The following SAMMSON variants were observed in gnomAD, a reference collection of about 807,000 sequenced individuals.
The protein encoded by SAMMSON is survival associated mitochondrial melanoma specific oncogenic non-coding RNA.
chr3:70,394,931 A>C (rs1701078924), intron 2 of SAMMSON, among the ~76,000 whole-genome samples: 1 of 152,226 alleles, frequency 6.6e-6, no homozygotes. Context: ...GTTCATAATT[A>C]GTTTTTGTCC....
intron 9 of SAMMSON, among the ~76,000 whole-genome samples, chr3:70,365,498 A>G (rs1205960312): frequency 6.6e-6 from 1 of 151,788 alleles, no homozygotes; most frequent in African/African-American, 2.4e-5. Flanking sequence ...GACCACATGT[A>G]TTATCAGAGC....
downstream of SAMMSON, among the ~76,000 whole-genome samples, chr3:70,394,569 G>A (rs951058381): frequency 6.6e-6 from 1 of 152,140 alleles, no homozygotes; most frequent in Non-Finnish European, 1.5e-5. Context: ...CTGAGCTGCA[G>A]TTTGGGAATA....
intron 7 of SAMMSON, among the ~76,000 whole-genome samples, chr3:70,331,948 C>T (rs1702624541): frequency 6.6e-6 from 1 of 152,174 alleles, no homozygotes; most frequent in Admixed American, 6.5e-5. Context: ...AATTAAATTA[C>T]TATGTCACTA....
chr3:70,028,383 T>C (rs1358433063), intron 3 of SAMMSON, among the ~76,000 whole-genome samples: 1 of 152,108 alleles, frequency 6.6e-6, no homozygotes, highest in Non-Finnish European at 1.5e-5. Context: ...GTCTTTACTT[T>C]AGGCAGGAGA....
rs138804424 is a variant in SAMMSON at position 70,200,347 on chromosome 3, C to A, written n.508-48760C>A. Reference sequence around the variant, plus strand: ...CCTTGCCTTAGCCTACAAGCCCTTGCATGATTGGATTCCTGCCTATTTCTC... The same window carrying A: ...CCTTGCCTTAGCCTACAAGCCCTTGAATGATTGGATTCCTGCCTATTTCTC... On this transcript the variant is annotated intron_variant and non_coding_transcript_variant, in intron 4 of 9. Coordinates refer to ENST00000642114, the Ensembl canonical transcript of SAMMSON. Among the ~76,000 whole-genome samples the A allele has an allele frequency of 2.1e-3, 324 of 152,294 alleles. 1 individual carries two copies. The highest frequency in any genetic ancestry group is 6.7e-3 in the African/African-American group (278 of 41,560).
chr3:70,402,706 A>G (rs1701149612), intron 2 of SAMMSON, among the ~76,000 whole-genome samples: 1 of 152,070 alleles, frequency 6.6e-6, no homozygotes, highest in Non-Finnish European at 1.5e-5. Context: ...TACTAAAAAT[A>G]CAAAAATTAG....
chr3:70,265,037 A>G (rs1701903275), intron 6 of SAMMSON, among the ~76,000 whole-genome samples: 1 of 152,186 alleles, frequency 6.6e-6, no homozygotes, highest in South Asian at 2.1e-4. Context: ...ACCATCAGAT[A>G]TCGTGAGACT....
chr3:70,153,790 G>T (rs1457039500), intron 4 of SAMMSON, among the ~76,000 whole-genome samples: 1 of 151,900 alleles, frequency 6.6e-6, no homozygotes, highest in Non-Finnish European at 1.5e-5. Flanking sequence ...CATCACCAAC[G>T]TTCCTCTCCA....
intron 4 of SAMMSON, among the ~76,000 whole-genome samples, chr3:70,209,723 C>G (rs1024341960): frequency 1.3e-5 from 2 of 152,076 alleles, no homozygotes; most frequent in Non-Finnish European, 2.9e-5. Context: ...GCTTTTATCT[C>G]TCCTTCCTAA....
intron 4 of SAMMSON, among the ~76,000 whole-genome samples, chr3:70,109,045 C>T (rs1390971881): frequency 1.3e-5 from 2 of 152,024 alleles, no homozygotes; most frequent in Non-Finnish European, 2.9e-5. Flanking sequence ...ATTGATGATG[C>T]GTGAACAAGA....
At chr3:70,102,179 C>T (rs1244346572) in intron 4 of SAMMSON, among the ~76,000 whole-genome samples, 2 of 152,134 alleles carry the variant, frequency 1.3e-5, no homozygotes, top group Non-Finnish European at 2.9e-5. Context: ...ATAAGCTCTA[C>T]ACATTTTGTT....
intron 4 of SAMMSON, among the ~76,000 whole-genome samples, chr3:70,244,200 C>A (rs1407591939): frequency 6.6e-6 from 1 of 152,166 alleles, no homozygotes; most frequent in Non-Finnish European, 1.5e-5. Flanking sequence ...CCAATTTTAA[C>A]AAGATGCTTC....
At chr3:70,357,318 C>CA (rs1402911609) in intron 8 of SAMMSON, among the ~76,000 whole-genome samples, 2 of 151,856 alleles carry the variant, frequency 1.3e-5, no homozygotes, top group East Asian at 3.9e-4. Flanking sequence ...ATCTTTTTGG[C>CA]AAAAAGAGAG....
intron 4 of SAMMSON, among the ~76,000 whole-genome samples, chr3:70,123,444 T>C (rs1327350829): frequency 6.6e-6 from 1 of 152,210 alleles, no homozygotes; most frequent in Non-Finnish European, 1.5e-5. Context: ...CTAATTTTTG[T>C]ATTTTTGTAA....
intron 7 of SAMMSON, among the ~76,000 whole-genome samples, chr3:70,304,224 T>C (rs1422367307): frequency 6.6e-6 from 1 of 152,160 alleles, no homozygotes; most frequent in Non-Finnish European, 1.5e-5. Flanking sequence ...CATGACACGT[T>C]CTTTCCTGCC....
chr3:70,408,451 A>G (rs2106767122), intron 2 of SAMMSON, among the ~76,000 whole-genome samples: 1 of 152,290 alleles, frequency 6.6e-6, no homozygotes, highest in African/African-American at 2.4e-5. Context: ...TTTTCTCCTT[A>G]GAAATTTCTT....
intron 2 of SAMMSON, among the ~76,000 whole-genome samples, chr3:70,433,584 G>C (rs1032578448): frequency 4.6e-5 from 7 of 152,012 alleles, no homozygotes; most frequent in Non-Finnish European, 8.8e-5. Flanking sequence ...TATTTGGAAA[G>C]ATTTTTCCAA....
intron 9 of SAMMSON, among the ~76,000 whole-genome samples, chr3:70,385,984 G>A (rs1015550644): frequency 8.5e-5 from 13 of 152,068 alleles, no homozygotes; most frequent in African/African-American, 3.1e-4. Flanking sequence ...GACAAATAAG[G>A]TAGGCTTTTG....
chr3:70,125,024 C>T, intron 4 of SAMMSON: 3 of 707,188 alleles, frequency 4.2e-6, no homozygotes, highest in Non-Finnish European at 7.7e-6. Flanking sequence ...GTTGGAAAGC[C>T]CTTGAAAGAT....
Sources: allele counts gnomAD v4.1 joint callset (sites outside exome capture counted in the v4.1 genomes callset), GRCh38; gene constraint gnomAD v4.1.1; transcripts MANE v1.5; gene names NCBI Gene and HGNC (gene_info 2026-07-23, HGNC 2026-07-21).